DOCK1: variants seen among roughly 807,000 people sequenced by gnomAD.
The protein encoded by DOCK1 is dedicator of cytokinesis protein 1.
DOCK1 carries 138 observed loss-of-function variants against 262.7 expected under a neutral mutation model. That is an observed-to-expected ratio of 0.53 (90% CI 0.46 to 0.61). The LOEUF is 0.61. Among genes scored for constraint, DOCK1 ranks in the 20% least tolerant of loss-of-function variants. DOCK1 has a pLI of 0.00. For missense variants in DOCK1, 1,908 were observed against 2,370.7 expected (o/e 0.80, Z 4.05); for synonymous variants, 866 against 867.4 (o/e 1.00, Z 0.03).
intron 46 of DOCK1, among the ~76,000 whole-genome samples, chr10:127,422,285 G>A (rs1590990522): frequency 6.8e-6 from 1 of 146,372 alleles, no homozygotes; most frequent in East Asian, 2.1e-4. Context: ...TCCTGCCTCG[G>A]CCTCCCGAGT....
At chr10:127,413,092 A>G (rs1211522777) in intron 43 of DOCK1, among the ~76,000 whole-genome samples, 4 of 152,192 alleles carry the variant, frequency 2.6e-5, no homozygotes, top group Non-Finnish European at 4.4e-5. Context: ...TAGTGTTTAT[A>G]TGGAGTCCCT....
chr10:127,450,328 A>G (rs2070872063), intron 51 of DOCK1, among the ~76,000 whole-genome samples: 2 of 152,192 alleles, frequency 1.3e-5, no homozygotes, highest in South Asian at 4.1e-4. Flanking sequence ...GCTAAATGCA[A>G]ACCCACACTG....
At chr10:127,435,034 G>A (rs2069584677) in intron 48 of DOCK1, among the ~76,000 whole-genome samples, 1 of 152,164 alleles carries the variant, frequency 6.6e-6, no homozygotes, top group East Asian at 1.9e-4. Flanking sequence ...CTTTGGAGAT[G>A]CATTTTTGCT....
At chr10:126,922,574 A>C (rs576264560) in intron 1 of DOCK1, among the ~76,000 whole-genome samples, 2 of 152,158 alleles carry the variant, frequency 1.3e-5, no homozygotes, top group Non-Finnish European at 2.9e-5. Context: ...CCATGATCCA[A>C]ATCCCTCCCA....
At position 127,157,961 on chromosome 10, in the gene DOCK1, A is replaced by C. The variant is rs11016522; in HGVS notation, c.2847+30197A>C. 7.4e-3 allele frequency among the ~76,000 whole-genome samples: 1,131 copies of C among 152,350 alleles called. 3 individuals carry two copies. The highest frequency in any genetic ancestry group is 0.01 in the Admixed American group (155 of 15,302). ...TATGCCTGCTAAAATTTTATTAAGC[A>C]CGAGAGTGTTCTCAATAGAGGGCTT... On this transcript the variant is annotated intron_variant, in intron 27 of 51. Coordinates refer to ENST00000623213, the MANE Select transcript of DOCK1 (RefSeq NM_001290223.2).
intron 23 of DOCK1, among the ~76,000 whole-genome samples, chr10:127,070,722 T>A (rs9418739): frequency 0.23 from 33,999 of 150,530 alleles, 3,920 homozygotes; most frequent in South Asian, 0.34. Flanking sequence ...TGGAAACTTC[T>A]TAGAATCTAG....
intron 38 of DOCK1, among the ~76,000 whole-genome samples, chr10:127,386,762 A>G (rs944353674): frequency 6.6e-6 from 1 of 152,148 alleles, no homozygotes; most frequent in Non-Finnish European, 1.5e-5. Flanking sequence ...TCATCCTGAA[A>G]CCATCCCCCA....
At chr10:127,448,321 C>G (rs1235652741) in intron 51 of DOCK1, among the ~76,000 whole-genome samples, 2 of 152,224 alleles carry the variant, frequency 1.3e-5, no homozygotes, top group Non-Finnish European at 2.9e-5. Context: ...AGCCCCTGGG[C>G]CTGCCTGCCC....
chr10:127,345,142 C>G (rs755826979), intron 31 of DOCK1, among the ~76,000 whole-genome samples: 2 of 152,194 alleles, frequency 1.3e-5, no homozygotes, highest in Admixed American at 1.3e-4. Flanking sequence ...AGCGTTCACA[C>G]GACGACAAAA....
At chr10:127,063,175 A>G (rs2045645831) in intron 23 of DOCK1, among the ~76,000 whole-genome samples, 1 of 152,168 alleles carries the variant, frequency 6.6e-6, no homozygotes, top group African/African-American at 2.4e-5. Context: ...CTTTCACTCG[A>G]CTGATCATGG....
At chr10:126,924,840 C>T (rs930529453) in intron 1 of DOCK1, among the ~76,000 whole-genome samples, 3 of 152,108 alleles carry the variant, frequency 2.0e-5, no homozygotes, top group Non-Finnish European at 4.4e-5. Context: ...GGATCTAAGT[C>T]CCTGGAAATG....
chr10:127,149,722 GA>G (rs2052301370), intron 27 of DOCK1, among the ~76,000 whole-genome samples: 1 of 152,214 alleles, frequency 6.6e-6, no homozygotes, highest in Admixed American at 6.5e-5. Flanking sequence ...TACAATGTGT[GA>G]ACACTGGCAG....
intron 1 of DOCK1, among the ~76,000 whole-genome samples, chr10:126,923,846 C>T (rs2033443185): frequency 6.6e-6 from 1 of 152,124 alleles, no homozygotes; most frequent in East Asian, 1.9e-4. Flanking sequence ...AAAAGAGGCC[C>T]CGGAGAGCTT....
At chr10:127,148,481 T>A (rs1214826543) in intron 27 of DOCK1, among the ~76,000 whole-genome samples, 1 of 152,234 alleles carries the variant, frequency 6.6e-6, no homozygotes, top group Non-Finnish European at 1.5e-5. Context: ...GTTATTTTCA[T>A]GAAAATGTAC....
intron 1 of DOCK1, among the ~76,000 whole-genome samples, chr10:126,920,307 G>A (rs551159105): frequency 1.3e-5 from 2 of 152,350 alleles, no homozygotes; most frequent in East Asian, 3.9e-4. Flanking sequence ...AAATGTTCCA[G>A]TAAAACACTT....
At chr10:126,980,845 C>T (rs989024256) in intron 3 of DOCK1, among the ~76,000 whole-genome samples, 7 of 152,264 alleles carry the variant, frequency 4.6e-5, no homozygotes, top group African/African-American at 7.2e-5. Context: ...AGCTGGGCTG[C>T]GTTGCACTGC....
chr10:127,014,434 A>T (rs190464255), intron 12 of DOCK1, among the ~76,000 whole-genome samples: 2 of 152,290 alleles, frequency 1.3e-5, no homozygotes, highest in Non-Finnish European at 2.9e-5. Flanking sequence ...AATAAATTTA[A>T]TGTGTCACTA....
intron 30 of DOCK1, among the ~76,000 whole-genome samples, chr10:127,340,461 C>A (rs531575523): frequency 2.0e-5 from 3 of 152,070 alleles, no homozygotes; most frequent in East Asian, 1.9e-4. Context: ...TCATATTCCA[C>A]GATATGAATG....
At chr10:127,283,482 G>A (rs1237344030) in intron 29 of DOCK1, among the ~76,000 whole-genome samples, 1 of 152,216 alleles carries the variant, frequency 6.6e-6, no homozygotes, top group Non-Finnish European at 1.5e-5. Context: ...ACATTCATTA[G>A]TTATAGAAGG....
Sources: gnomAD v4.1 joint callset for allele counts (sites outside exome capture counted in the v4.1 genomes callset) on GRCh38, gnomAD v4.1.1 for gene constraint, MANE v1.5 for transcripts, NCBI Gene and HGNC (gene_info 2026-07-23, HGNC 2026-07-21) for gene names.